Variants in GARRE1 observed in about 807,000 individuals in gnomAD.
GARRE1 encodes granule associated Rac and RHOG effector 1, also known as granule associated Rac and RHOG effector protein 1.
In GARRE1, 49 loss-of-function variants were observed where a neutral mutation model predicts 103.2. The observed-to-expected ratio is 0.47, with a 90% CI of 0.38 to 0.60. The LOEUF (loss-of-function observed/expected upper bound fraction) is 0.60. Among genes scored for constraint, GARRE1 ranks in the 20% least tolerant of loss-of-function variants. GARRE1 has a pLI of 0.00. For synonymous variants in GARRE1, 505 were observed against 532.8 expected (o/e 0.95, Z 0.72); for missense variants, 1,199 against 1,370.5 (o/e 0.87, Z 1.98).
At chr19:34,269,873 T>C (rs1482663919) in intron 1 of GARRE1, among the ~76,000 whole-genome samples, 1 of 152,236 alleles carries the variant, frequency 6.6e-6, no homozygotes, top group Non-Finnish European at 1.5e-5. Context: ...ATTAATTCCA[T>C]GGAAGCCATT....
At chr19:34,318,252 C>T (rs928750694) in intron 2 of GARRE1, among the ~76,000 whole-genome samples, 1 of 152,128 alleles carries the variant, frequency 6.6e-6, no homozygotes, top group East Asian at 1.9e-4. Flanking sequence ...GATGCTGAGG[C>T]GAGGCAAGGC....
intron 1 of GARRE1, among the ~76,000 whole-genome samples, chr19:34,297,878 A>G (rs1029840324): frequency 6.6e-6 from 1 of 152,226 alleles, no homozygotes; most frequent in Non-Finnish European, 1.5e-5. Flanking sequence ...AGAGCCATAA[A>G]TAATGGTTGT....
Position 34,320,007 on chromosome 19 carries a change from A to C in GARRE1, c.596A>C (p.Glu199Ala). The change falls in exon 3 of 14, where the codon GAG (glutamate) becomes GCG (alanine). Residue 199 changes from glutamate (E) to alanine (A), a missense_variant. Physicochemically the swap from Glu to Ala is moderately radical, Grantham distance 107 (BLOSUM62 -1). Coordinates refer to ENST00000299505, the MANE Select transcript of GARRE1 (RefSeq NM_014686.5). ...CCGGTGGCTCACTCTTGCTTTGCTG[A>C]GGTCATCGTGCCAGAAAAAAAGAAC... ...VQPVAHSCFA[E>A]VIVPEKKNSG... The C allele has an allele frequency of 6.2e-7, 1 of 1,614,108 alleles. No individual in the cohort carries two copies.
At chr19:34,307,736 T>G (rs113099256) in intron 2 of GARRE1, among the ~76,000 whole-genome samples, 27 of 128,376 alleles carry the variant, frequency 2.1e-4, no homozygotes, top group Admixed American at 2.1e-3. Context: ...ACATATATAC[T>G]TATATATACT....
chr19:34,324,198 A>T (rs2074101782), intron 3 of GARRE1, among the ~76,000 whole-genome samples: 1 of 151,590 alleles, frequency 6.6e-6, no homozygotes, highest in South Asian at 2.1e-4. Context: ...AGAAAAGTCC[A>T]CTCTGCCCTG....
rs201416108 is a variant in GARRE1, at chr19:34,300,498, A to G, written c.25A>G (p.Ser9Gly). 55 of 1,607,354 alleles carry G rather than the reference A, an allele frequency of 3.4e-5. No individual in the cohort carries two copies. Among genetic ancestry groups the G allele is most frequent in the East Asian group, 2.7e-4 (12 of 44,758 alleles). Residue 9 changes from serine (S) to glycine (G), a missense_variant, in exon 2 of 14, where the codon AGT becomes GGT. By Grantham distance (56) the Ser-to-Gly change is moderately conservative (BLOSUM62 0). Transcript: ENST00000299505. MYCCSAQDSKMDYKRRFLL... is the reference protein window; with the variant it reads MYCCSAQDGKMDYKRRFLL... The stretch of plus-strand genomic sequence containing the variant: ...CATGTATTGCTGCAGTGCCCAGGAC[A>G]GTAAAATGGACTACAAGCGGCGCTT...
intron 12 of GARRE1, among the ~76,000 whole-genome samples, chr19:34,349,780 G>T (rs1041088449): frequency 6.6e-6 from 1 of 152,146 alleles, no homozygotes; most frequent in Admixed American, 6.5e-5. Flanking sequence ...GGGAGGCCGG[G>T]TTACTTGGTC....
intron 3 of GARRE1, among the ~76,000 whole-genome samples, chr19:34,321,160 C>T (rs1275599200): frequency 6.8e-5 from 10 of 146,118 alleles, no homozygotes; most frequent in Non-Finnish European, 1.3e-4. Context: ...AGGTTCACGC[C>T]ATTCTCCTGC....
At chr19:34,265,792 AG>A (rs2073747849) in intron 1 of GARRE1, among the ~76,000 whole-genome samples, 1 of 152,156 alleles carries the variant, frequency 6.6e-6, no homozygotes, top group Admixed American at 6.6e-5. Flanking sequence ...ACGGAGACTG[AG>A]GGTATGGCAG....
intron 1 of GARRE1, chr19:34,296,517 A>G: frequency 1.3e-6 from 2 of 1,595,450 alleles, no homozygotes; most frequent in Non-Finnish European, 1.7e-6. Context: ...CTTGGGCTTT[A>G]CGAGGGCCTT....
At chr19:34,267,788 T>G (rs2073761483) in intron 1 of GARRE1, among the ~76,000 whole-genome samples, 1 of 151,354 alleles carries the variant, frequency 6.6e-6, no homozygotes, top group African/African-American at 2.4e-5. Context: ...TTGTTTTTTT[T>G]TTTTTGATGG....
Position 34,352,848 on chromosome 19 carries a change from A to AGGCCCCC in GARRE1, c.3106_3107insGGCCCCC (p.Thr1036ArgfsTer28). On this transcript the variant is annotated frameshift_variant, in exon 14 of 14. Coordinates refer to ENST00000299505, the MANE Select transcript of GARRE1 (RefSeq NM_014686.5). LOFTEE classifies it high-confidence loss of function. ...TGCCGCTGCCTTCTCCTATGTGCAG[A>AGGCCCCC]CCCCACCCCAGCCCCCACCCCCACC... The AGGCCCCC allele has an allele frequency of 7.5e-6, 12 of 1,591,594 alleles. No homozygotes were observed. Among genetic ancestry groups the AGGCCCCC allele is most frequent in the Non-Finnish European group, 1.0e-5 (12 of 1,166,584 alleles).
intron 3 of GARRE1, among the ~76,000 whole-genome samples, chr19:34,323,190 C>T (rs1485900203): frequency 2.0e-5 from 3 of 151,772 alleles, no homozygotes; most frequent in African/African-American, 4.8e-5. Flanking sequence ...TGCCATCTCA[C>T]CTGGCTAATT....
chr19:34,323,126 G>A (rs538034063), intron 3 of GARRE1, among the ~76,000 whole-genome samples: 50 of 149,820 alleles, frequency 3.3e-4, no homozygotes, highest in African/African-American at 1.1e-3. Context: ...CGCCCCCCGG[G>A]GTTCACGCCA....
rs1270789459 is a variant in GARRE1 at position 34,300,114 on chromosome 19, TAA to T, written c.-359_-358del. The T allele has an allele frequency of 2.5e-5, 5 of 202,302 alleles. No individual in the cohort carries two copies. Among genetic ancestry groups the T allele is most frequent in the African/African-American group, 4.6e-5 (2 of 43,302 alleles). 12.5% of individuals were successfully genotyped at this position (202,302 alleles called of 1,614,324 possible). A position where few individuals can be genotyped will look rare whatever the true frequency, so the allele number is the denominator to read the frequency against. Reference sequence around the variant, plus strand: ...TACATTATATTACATTTTTAAACGTTAAGTTATTTTTCTGCCATTGTAAATAC... The same window carrying T: ...TACATTATATTACATTTTTAAACGTTGTTATTTTTCTGCCATTGTAAATAC... On this transcript the variant is annotated 5_prime_UTR_variant, in exon 2 of 14. Coordinates refer to ENST00000299505, the MANE Select transcript of GARRE1 (RefSeq NM_014686.5).
At position 34,276,469 on chromosome 19, in the gene GARRE1, TTATGTACATATGTGTA is replaced by T. The variant is rs1376691788; in HGVS notation, c.-796+21864_-796+21879del. ...AAAGAGTGTGTGTGGGTATGTGTGT[TTATGTACATATGTGTA>T]TATGTACAGTGGAAGATGCCATAAA... On this transcript the variant is annotated intron_variant, in intron 1 of 13. Coordinates refer to ENST00000299505, the MANE Select transcript of GARRE1 (RefSeq NM_014686.5). Among the ~76,000 whole-genome samples the T allele has an allele frequency of 3.3e-5, 5 of 152,166 alleles. No homozygotes were observed. In the East Asian group the frequency reaches 9.6e-4, roughly 29 times the overall value.
chr19:34,328,858 T>C (rs942702170), intron 6 of GARRE1, among the ~76,000 whole-genome samples: 3 of 152,166 alleles, frequency 2.0e-5, no homozygotes, highest in African/African-American at 7.2e-5. Context: ...TCCACCCTAC[T>C]TGGCCTCCAA....
At chr19:34,315,962 C>T (rs752699340) in intron 2 of GARRE1, among the ~76,000 whole-genome samples, 6 of 152,122 alleles carry the variant, frequency 3.9e-5, no homozygotes, top group Non-Finnish European at 7.4e-5. Context: ...CAGTAGACCC[C>T]GATAGCTGTC....
chr19:34,330,746 T>G (rs899736160), intron 7 of GARRE1, among the ~76,000 whole-genome samples: 57 of 139,504 alleles, frequency 4.1e-4, no homozygotes, highest in African/African-American at 1.1e-3. Flanking sequence ...TTTTTTTTTT[T>G]TTTGTGTGTG....
Sources: allele counts gnomAD v4.1 joint callset (sites outside exome capture counted in the v4.1 genomes callset), GRCh38; gene constraint gnomAD v4.1.1; transcripts MANE v1.5; gene names NCBI Gene and HGNC (gene_info 2026-07-23, HGNC 2026-07-21).